AKAP13: variants seen among roughly 807,000 people sequenced by gnomAD.
AKAP13 encodes A-kinase anchoring protein 13.
A neutral mutation model predicts 264.5 loss-of-function variants in AKAP13; 80 were observed. The ratio of observed to expected loss-of-function variants is 0.30; its 90% CI spans 0.25 to 0.36. The LOEUF is 0.36. Ranked by LOEUF, AKAP13 falls within the 10% of genes least tolerant of loss-of-function variation. AKAP13 has a pLI of 1.00. For synonymous variants in AKAP13, 1,380 were observed against 1,250.2 expected, an observed-to-expected ratio of 1.10 and a Z score of -2.19; for missense variants, 3,712 against 3,435.2, an observed-to-expected ratio of 1.08 and a Z score of -2.01.
chr15:85,655,303 TATG>T, intron 10 of AKAP13, 111 bp from the exon 11 acceptor site: 1 of 1,361,066 alleles, frequency 7.3e-7, no homozygotes, highest in South Asian at 1.5e-5. Context: ...TGAGGCCAAT[TATG>T]ATCTTACCTG....
At chr15:85,543,682 C>A in intron 4 of AKAP13, 90 bp from the exon 5 acceptor site, 1 of 1,349,508 alleles carries the variant, frequency 7.4e-7, no homozygotes, top group Non-Finnish European at 1.0e-6. Context: ...CACTTGGAGG[C>A]AGTGGTGTTT....
At chr15:85,446,066 G>T (rs564660450) in intron 1 of AKAP13, among the ~76,000 whole-genome samples, 1 of 152,290 alleles carries the variant, frequency 6.6e-6, no homozygotes, top group South Asian at 2.1e-4. Context: ...ACTTGGTATT[G>T]CTAGAGTTGT....
At chr15:85,453,363 G>T (rs61264330) in intron 1 of AKAP13, among the ~76,000 whole-genome samples, 1 of 152,142 alleles carries the variant, frequency 6.6e-6, no homozygotes, top group Non-Finnish European at 1.5e-5. Flanking sequence ...TAACAGTGGG[G>T]CCACTTTTCC....
intron 13 of AKAP13, 114 bp from the exon 14 acceptor site, chr15:85,669,608 C>A: frequency 2.8e-6 from 2 of 708,742 alleles, no homozygotes; most frequent in Non-Finnish European, 4.7e-6. Context: ...TGTGCTCTCA[C>A]CCGCTTCTTC....
intron 1 of AKAP13, among the ~76,000 whole-genome samples, chr15:85,465,276 G>A (rs2074687466): frequency 6.6e-6 from 1 of 151,914 alleles, no homozygotes; most frequent in African/African-American, 2.4e-5. Context: ...TTTTAACCTT[G>A]CTGTATATAT....
intron 1 of AKAP13, among the ~76,000 whole-genome samples, chr15:85,408,832 G>A (rs758480197): frequency 2.6e-5 from 4 of 151,708 alleles, no homozygotes; most frequent in Admixed American, 6.6e-5. Context: ...GTTCTTTGGC[G>A]TATGTACCCA....
chr15:85,710,996 TC>T (rs2086604041), intron 19 of AKAP13, among the ~76,000 whole-genome samples: 1 of 148,182 alleles, frequency 6.7e-6, no homozygotes, highest in Non-Finnish European at 1.5e-5. Flanking sequence ...TCAAATGAGA[TC>T]TGGCTTGTTA....
chr15:85,633,765 C>T (rs932212584), intron 8 of AKAP13, among the ~76,000 whole-genome samples: 7 of 151,586 alleles, frequency 4.6e-5, no homozygotes, highest in Non-Finnish European at 1.0e-4. Context: ...AGGATGGTCT[C>T]GATCTCCTGA....
At chr15:85,525,766 T>C (rs1206734492) in intron 3 of AKAP13, among the ~76,000 whole-genome samples, 2 of 152,218 alleles carry the variant, frequency 1.3e-5, no homozygotes, top group Non-Finnish European at 2.9e-5. Flanking sequence ...TGGCAAATAG[T>C]GTACAAAATC....
chr15:85,391,547 C>G (rs561977514), intron 1 of AKAP13, among the ~76,000 whole-genome samples: 2 of 150,266 alleles, frequency 1.3e-5, no homozygotes, highest in African/African-American at 2.5e-5. Flanking sequence ...TGCAGTGGCG[C>G]GATCTCGGCT....
chr15:85,429,582 A>G (rs577364871), intron 1 of AKAP13, among the ~76,000 whole-genome samples: 9 of 152,336 alleles, frequency 5.9e-5, no homozygotes, highest in Admixed American at 2.6e-4. Flanking sequence ...AAGTGTGCAC[A>G]TAATTGGTGA....
At chr15:85,471,082 A>G (rs1255567486) in intron 1 of AKAP13, among the ~76,000 whole-genome samples, 1 of 152,146 alleles carries the variant, frequency 6.6e-6, no homozygotes, top group African/African-American at 2.4e-5. Context: ...GGAAGCTGAG[A>G]TTTTCTACCA....
chr15:85,730,493 T>C lies in AKAP13; in HGVS notation c.7088-20T>C. The C allele has an allele frequency of 6.2e-7, 1 of 1,610,544 alleles. No individual in the cohort carries two copies. Among genetic ancestry groups the C allele is most frequent in the Non-Finnish European group, 8.5e-7 (1 of 1,177,540 alleles). ...TACTAAACACCAATCAAATCACAGA[T>C]CATTTTCTCCTTCCTGCAGAACAAC... is the stretch of plus-strand genomic sequence containing the variant. On this transcript the variant is annotated intron_variant, in intron 29 of 36. Coordinates refer to ENST00000394518, the MANE Select transcript of AKAP13 (RefSeq NM_007200.5).
chr15:85,543,406 GTTA>G (rs2077634159), intron 4 of AKAP13, among the ~76,000 whole-genome samples: 1 of 152,284 alleles, frequency 6.6e-6, no homozygotes, highest in East Asian at 1.9e-4. Flanking sequence ...ATTTGCTTCT[GTTA>G]TTATTATTTG....
chr15:85,595,766 A>C (rs114551174), intron 8 of AKAP13, among the ~76,000 whole-genome samples: 1,935 of 152,306 alleles, frequency 0.013, 44 homozygotes, highest in African/African-American at 0.044. Context: ...AGAATTGCCT[A>C]AGGATTGCCA....
At chr15:85,721,635 ACTC>A (rs1280298808) in intron 23 of AKAP13, among the ~76,000 whole-genome samples, 1 of 151,402 alleles carries the variant, frequency 6.6e-6, no homozygotes. Context: ...CTCATGAAAA[ACTC>A]CTAGTGAATC....
chr15:85,645,710 A>C (rs2082526743), intron 9 of AKAP13, 108 bp from the exon 10 acceptor site: 3 of 1,159,572 alleles, frequency 2.6e-6, no homozygotes, highest in Non-Finnish European at 3.6e-6. Context: ...AGAGTGAGAG[A>C]GAGATTTAAA....
chr15:85,505,417 T>C (rs1171095443), intron 2 of AKAP13, among the ~76,000 whole-genome samples: 2 of 152,232 alleles, frequency 1.3e-5, no homozygotes, highest in Non-Finnish European at 2.9e-5. Context: ...TAGTTTTGTG[T>C]TGGCATTGAG....
chr15:85,640,046 A>C (rs1274178213), intron 9 of AKAP13, among the ~76,000 whole-genome samples: 1 of 152,222 alleles, frequency 6.6e-6, no homozygotes, highest in Non-Finnish European at 1.5e-5. Flanking sequence ...TTGCTTGTTA[A>C]TGACACAGCA....
Sources: allele counts gnomAD v4.1 joint callset (sites outside exome capture counted in the v4.1 genomes callset), GRCh38; gene constraint gnomAD v4.1.1; transcripts MANE v1.5; gene names NCBI Gene and HGNC (gene_info 2026-07-23, HGNC 2026-07-21).